The following BCAR3 variants were observed in gnomAD, a reference collection of about 807,000 sequenced individuals.
The protein encoded by BCAR3 is breast cancer anti-estrogen resistance protein 3.
A neutral mutation model predicts 80.1 loss-of-function variants in BCAR3; 37 were observed. The observed-to-expected ratio is 0.46, with a 90% CI of 0.36 to 0.61. BCAR3 has a LOEUF of 0.61. Ranked by LOEUF, BCAR3 falls within the 20% of genes least tolerant of loss-of-function variation. The pLI is 0.00. For synonymous variants in BCAR3, 389 were observed against 418.9 expected, an observed-to-expected ratio of 0.93 and a Z score of 0.87; for missense variants, 978 against 1,068.2, an observed-to-expected ratio of 0.92 and a Z score of 1.18.
At chr1:93,630,356 G>A (rs34183660) in intron 3 of BCAR3, among the ~76,000 whole-genome samples, 19,010 of 152,108 alleles carry the variant, frequency 0.12, 1,227 homozygotes, top group Middle Eastern at 0.17. Flanking sequence ...GGGTGTGGTG[G>A]CTCAAACCTG....
chr1:93,606,882 A>G (rs1207472351), intron 3 of BCAR3, among the ~76,000 whole-genome samples: 1 of 152,220 alleles, frequency 6.6e-6, no homozygotes, highest in East Asian at 1.9e-4. Flanking sequence ...GATTTCAGGA[A>G]GAAATGGTCA....
At chr1:93,647,706 G>A (rs1013907593) in intron 2 of BCAR3, among the ~76,000 whole-genome samples, 6 of 152,022 alleles carry the variant, frequency 3.9e-5, no homozygotes, top group African/African-American at 1.2e-4. Context: ...GCGCTCTCAC[G>A]TATAAGGTAG....
At chr1:93,618,205 G>A (rs1205561569) in intron 3 of BCAR3, among the ~76,000 whole-genome samples, 1 of 152,222 alleles carries the variant, frequency 6.6e-6, no homozygotes, top group Admixed American at 6.5e-5. Context: ...TGGGAGGAGG[G>A]CAGGCAACAA....
At chr1:93,639,461 G>T (rs925814904) in intron 3 of BCAR3, among the ~76,000 whole-genome samples, 5 of 151,584 alleles carry the variant, frequency 3.3e-5, no homozygotes, top group African/African-American at 7.3e-5. Context: ...GTCTCCGATG[G>T]GGAGGGGAGC....
At chr1:93,612,289 G>C (rs1015726965) in intron 3 of BCAR3, among the ~76,000 whole-genome samples, 1 of 152,158 alleles carries the variant, frequency 6.6e-6, no homozygotes, top group African/African-American at 2.4e-5. Context: ...TGGGAATAGA[G>C]TAGAAGTCCA....
intron 2 of BCAR3, among the ~76,000 whole-genome samples, chr1:93,670,609 T>C (rs551239804): frequency 2.0e-5 from 3 of 152,282 alleles, no homozygotes; most frequent in African/African-American, 7.2e-5. Context: ...TAAGGTATGA[T>C]CTTAGGTGCC....
intron 2 of BCAR3, among the ~76,000 whole-genome samples, chr1:93,719,498 GC>G (rs1557665244): frequency 6.6e-6 from 1 of 151,488 alleles, no homozygotes; most frequent in Non-Finnish European, 1.5e-5. Flanking sequence ...CCACCACCAC[GC>G]CCGGCTAATT....
upstream of BCAR3, among the ~76,000 whole-genome samples, chr1:93,685,153 A>C (rs748043449): frequency 6.6e-6 from 1 of 152,336 alleles, no homozygotes; most frequent in Non-Finnish European, 1.5e-5. Context: ...TAGTGGGAGT[A>C]ATTTAAATAT....
intron 2 of BCAR3, among the ~76,000 whole-genome samples, chr1:93,837,226 A>G (rs1452556601): frequency 6.6e-6 from 1 of 152,196 alleles, no homozygotes; most frequent in Non-Finnish European, 1.5e-5. Flanking sequence ...CAAAAAAGTA[A>G]AAAATAAAAA....
intron 2 of BCAR3, among the ~76,000 whole-genome samples, chr1:93,649,042 G>GA (rs1293630210): frequency 6.6e-6 from 1 of 152,210 alleles, no homozygotes. Context: ...AACCAGAGAA[G>GA]AAAAATTAAG....
intron 2 of BCAR3, among the ~76,000 whole-genome samples, chr1:93,751,906 C>A (rs903329946): frequency 6.6e-6 from 1 of 152,220 alleles, no homozygotes; most frequent in Non-Finnish European, 1.5e-5. Flanking sequence ...TCTGTGGATG[C>A]CCTGGGTTAC....
chr1:93,581,648 T>C (rs562877343), intron 7 of BCAR3, among the ~76,000 whole-genome samples: 1 of 152,294 alleles, frequency 6.6e-6, no homozygotes, highest in South Asian at 2.1e-4. Flanking sequence ...CCTCAGGTGA[T>C]CCACCGCCTA....
rs530493858 is a variant in BCAR3 at position 93,638,510 on chromosome 1, T to C, written c.357+3794A>G. On this transcript the variant is annotated intron_variant, in intron 3 of 11. Transcript: ENST00000260502. ...ATGGGGCAGTGAGTAGGTTGAGCAGTATAGAGATAAAATTCTACTTCATAA... is the reference window on the plus strand; with the variant it reads ...ATGGGGCAGTGAGTAGGTTGAGCAGCATAGAGATAAAATTCTACTTCATAA... 5.9e-5 allele frequency among the ~76,000 whole-genome samples: 9 copies of C among 152,318 alleles called. No homozygotes were observed. The South Asian group carries it at 1.9e-3, about 32-fold the overall frequency.
chr1:93,745,313 A>T (rs1651316665), intron 2 of BCAR3, among the ~76,000 whole-genome samples: 1 of 152,258 alleles, frequency 6.6e-6, no homozygotes, highest in Admixed American at 6.5e-5. Flanking sequence ...GGTGCTTTGA[A>T]GACCGATGAG....
chr1:93,820,535 A>G (rs1436962804), intron 2 of BCAR3, among the ~76,000 whole-genome samples: 3 of 152,196 alleles, frequency 2.0e-5, no homozygotes, highest in African/African-American at 7.2e-5. Context: ...TTTATTATGG[A>G]GAATAAAACT....
intron 3 of BCAR3, among the ~76,000 whole-genome samples, chr1:93,696,511 G>T (rs1649411356): frequency 1.3e-5 from 2 of 151,872 alleles, no homozygotes; most frequent in Admixed American, 1.3e-4. Context: ...CTGGCCCAGG[G>T]TCCCTTCCTC....
chr1:93,823,713 A>AT (rs1473432411), intron 2 of BCAR3, among the ~76,000 whole-genome samples: 1 of 133,886 alleles, frequency 7.5e-6, no homozygotes, highest in Admixed American at 7.7e-5. Context: ...TGTTGTTATT[A>AT]TTTTTTGAGA....
chr1:93,637,483 G>T (rs1004571435), intron 3 of BCAR3, among the ~76,000 whole-genome samples: 11 of 152,078 alleles, frequency 7.2e-5, no homozygotes, highest in African/African-American at 1.9e-4. Context: ...ATTTAGTGCT[G>T]GTTGTGGGGG....
intron 3 of BCAR3, among the ~76,000 whole-genome samples, chr1:93,629,017 A>G (rs1440641993): frequency 5.9e-5 from 9 of 152,254 alleles, no homozygotes; most frequent in Non-Finnish European, 2.9e-5. Context: ...CATTCGAAAG[A>G]AGGAGGGAGG....
Sources: allele counts gnomAD v4.1 joint callset (sites outside exome capture counted in the v4.1 genomes callset), GRCh38; gene constraint gnomAD v4.1.1; transcripts MANE v1.5; gene names NCBI Gene and HGNC (gene_info 2026-07-23, HGNC 2026-07-21).